The following PCDHGB1 variants were observed in gnomAD, a reference collection of about 807,000 sequenced individuals.
The protein encoded by PCDHGB1 is protocadherin gamma subfamily B, 1, also known as protocadherin gamma-B1.
Under a neutral mutation model 56.6 loss-of-function variants are expected in PCDHGB1, and 34 were observed. The ratio of observed to expected loss-of-function variants is 0.60; its 90% confidence interval spans 0.46 to 0.80. The LOEUF (loss-of-function observed/expected upper bound fraction) is 0.80. Among genes scored for constraint, PCDHGB1 ranks in the 30% least tolerant of loss-of-function variants. The probability of loss-of-function intolerance (pLI) is 0.00; values close to 1 mark genes in which losing one functional copy is unlikely to be tolerated. For synonymous variants in PCDHGB1, 561 were observed against 505.9 expected (o/e 1.11, Z -1.46); for missense variants, 1,278 against 1,204.6 (o/e 1.06, Z -0.90).
chr5:141,355,157 C>T (rs1220655708), intron 1 of PCDHGB1: 1 of 1,555,036 alleles, frequency 6.4e-7, no homozygotes, highest in Non-Finnish European at 8.7e-7. Context: ...CAGGCCTCGA[C>T]AGAGGGAAAA....
rs1230185523 is a variant in PCDHGB1, at chr5:141,413,155, G to C, written c.2409+60486G>C. 10 of 1,576,552 alleles carry C rather than the reference G, an allele frequency of 6.3e-6. No individual in the cohort carries two copies. The South Asian group carries it at 1.2e-4, about 18-fold the overall frequency. ...CAACGTGTCCAGTGAGGACTTTGCA[G>C]AATTCTGTAACCAGACTACAATGGC... On this transcript the variant is annotated intron_variant, in intron 1 of 3. Coordinates refer to ENST00000523390, the MANE Select transcript of PCDHGB1 (RefSeq NM_018922.3).
At chr5:141,433,208 CTT>C (rs745329085) in intron 1 of PCDHGB1, 289 of 1,287,502 alleles carry the variant, frequency 2.2e-4, no homozygotes, top group South Asian at 2.8e-4. Context: ...AATCTTCTTT[CTT>C]TTTTTTTTTT....
chr5:141,489,425 G>A lies in PCDHGB1; in HGVS notation c.2410-5382G>A, dbSNP rs779739693. 18 of 1,614,000 alleles carry A rather than the reference G, an allele frequency of 1.1e-5. No homozygotes were observed. Among genetic ancestry groups the A allele is most frequent in the South Asian group, 5.5e-5 (5 of 91,074 alleles). The stretch of plus-strand genomic sequence containing the variant: ...TTAAAGATGACAGATCTGTTGAGCC[G>A]GCGGCTGCAATTGGGCTCTGAGGAG... On this transcript the variant is annotated intron_variant, in intron 1 of 3. Transcript: ENST00000523390. This position sits in a 1 kb window ranked among gnomAD's most constrained non-coding sequence, Gnocchi z 4.5.
Position 141,432,465 on chromosome 5 carries a change from C to G in PCDHGB1, c.2410-62342C>G. ...GAGATCCTGTACCCCGCCCTCCCCACGGACGGTTCCACTGGCGTGGAGCTG... is the reference window on the plus strand; with the variant it reads ...GAGATCCTGTACCCCGCCCTCCCCAGGGACGGTTCCACTGGCGTGGAGCTG... On this transcript the variant is annotated intron_variant, in intron 1 of 3. Transcript: ENST00000523390. The surrounding 1 kb of genome is among the most constrained non-coding windows in gnomAD (Gnocchi z 6.0). The G allele has an allele frequency of 6.2e-7, 1 of 1,614,222 alleles. No individual in the cohort carries two copies. Among genetic ancestry groups the G allele is most frequent in the Non-Finnish European group, 8.5e-7 (1 of 1,180,050 alleles).
chr5:141,436,635 A>G (rs953396225), intron 1 of PCDHGB1, among the ~76,000 whole-genome samples: 8 of 152,184 alleles, frequency 5.3e-5, no homozygotes, highest in African/African-American at 1.9e-4. Context: ...ACAACATGCA[A>G]TTAATTAACA....
At chr5:141,478,161 C>T (rs201111122) in intron 1 of PCDHGB1, 20 of 1,613,852 alleles carry the variant, frequency 1.2e-5, no homozygotes, top group Admixed American at 3.3e-5. Context: ...TCTGGCTCTG[C>T]CCCCCGGGAG....
chr5:141,359,651 G>A (rs1761279530), intron 1 of PCDHGB1, among the ~76,000 whole-genome samples: 1 of 152,024 alleles, frequency 6.6e-6, no homozygotes, highest in Non-Finnish European at 1.5e-5. Flanking sequence ...GAAGGAGACA[G>A]AATATTTATA....
chr5:141,474,505 A>G (rs2099350724), intron 1 of PCDHGB1, among the ~76,000 whole-genome samples: 2 of 152,248 alleles, frequency 1.3e-5, no homozygotes, highest in Admixed American at 6.5e-5. Context: ...AATGCCTATC[A>G]GCCCTCTTGC....
intron 1 of PCDHGB1, among the ~76,000 whole-genome samples, chr5:141,488,236 T>A (rs1333427955): frequency 6.6e-6 from 1 of 152,154 alleles, no homozygotes; most frequent in Admixed American, 6.5e-5. Context: ...TTGAACTAGA[T>A]GCGGTAAATT....
In PCDHGB1 at chr5:141,359,468, C is replaced by T. The variant is rs539474224; in HGVS notation, c.2409+6799C>T. On this transcript the variant is annotated intron_variant, in intron 1 of 3. Transcript: ENST00000523390. ...TTAGCAAATAACAATTTTGATTAAACAAATTGTTGTATATTCATATTACGG... is the reference window on the plus strand; with the variant it reads ...TTAGCAAATAACAATTTTGATTAAATAAATTGTTGTATATTCATATTACGG... 1.8e-4 allele frequency among the ~76,000 whole-genome samples: 27 copies of T among 150,682 alleles called. No homozygotes were observed. In the South Asian group the frequency reaches 4.9e-3, roughly 27 times the overall value.
intron 1 of PCDHGB1, chr5:141,371,783 G>C (rs1396118548): frequency 6.2e-7 from 1 of 1,613,986 alleles, no homozygotes. Context: ...ATGTAGCTGA[G>C]AACAATCCGC....
chr5:141,494,921 A>C (rs1345734925), intron 2 of PCDHGB1, 56 bp downstream of exon 2: 6 of 1,613,556 alleles, frequency 3.7e-6, no homozygotes, highest in Non-Finnish European at 5.1e-6. Flanking sequence ...CTCAGGGATG[A>C]CGTGGGAGGA....
At chr5:141,433,487 C>T (rs1052153936) in intron 1 of PCDHGB1, among the ~76,000 whole-genome samples, 3 of 152,094 alleles carry the variant, frequency 2.0e-5, no homozygotes, top group African/African-American at 7.2e-5. Context: ...TCCTGCTTCT[C>T]CCTCCCAAAC....
intron 1 of PCDHGB1, chr5:141,433,227 T>C (rs1178649427): frequency 6.5e-6 from 10 of 1,528,034 alleles, no homozygotes; most frequent in Non-Finnish European, 8.9e-6. Context: ...TTTTAATTGC[T>C]CTGTCTCCCA....
At chr5:141,393,458 G>T (rs181214352) in intron 1 of PCDHGB1, 4 of 1,613,902 alleles carry the variant, frequency 2.5e-6, no homozygotes, top group Non-Finnish European at 3.4e-6. Context: ...TCACGGCCTC[G>T]GATGGCGGCA....
At chr5:141,496,412 T>C (rs1322376676) in intron 2 of PCDHGB1, among the ~76,000 whole-genome samples, 1 of 152,180 alleles carries the variant, frequency 6.6e-6, no homozygotes, top group African/African-American at 2.4e-5. Context: ...GGTTGAGTAC[T>C]TGCTGTCCAC....
chr5:141,421,569 C>T (rs1029858235), intron 1 of PCDHGB1: 2 of 1,613,884 alleles, frequency 1.2e-6, no homozygotes, highest in Non-Finnish European at 1.7e-6. Flanking sequence ...TGGAAGACAC[C>T]TTGAAGATTT....
Position 141,395,354 on chromosome 5 carries a change from T to A in PCDHGB1, c.2409+42685T>A, listed in dbSNP as rs375237289. ...ATAATTTTTAAGGTGTATCACAGAG[T>A]TTTGGGTTTATTTTGGTGGTGTTAC... On this transcript the variant is annotated intron_variant, in intron 1 of 3. Coordinates refer to ENST00000523390, the MANE Select transcript of PCDHGB1 (RefSeq NM_018922.3). 28 of 1,357,052 alleles carry A rather than the reference T, an allele frequency of 2.1e-5. No homozygotes were observed. The Middle Eastern group carries it at 1.0e-3, about 51-fold the overall frequency. 84.1% of individuals were successfully genotyped at this position (1,357,052 alleles called of 1,614,324 possible).
intron 1 of PCDHGB1, chr5:141,372,557 C>T (rs1157406998): frequency 5.0e-6 from 8 of 1,614,048 alleles, no homozygotes; most frequent in Admixed American, 3.3e-5. Context: ...CCTCCAGACC[C>T]GCCACTGAGG....
Sources: allele counts gnomAD v4.1 joint callset (sites outside exome capture counted in the v4.1 genomes callset), GRCh38; gene constraint gnomAD v4.1.1; non-coding constraint Gnocchi (gnomAD v3.1); transcripts MANE v1.5; gene names NCBI Gene and HGNC (gene_info 2026-07-23, HGNC 2026-07-21).